Variants in BBS4 observed in about 807,000 individuals in gnomAD.
The protein encoded by BBS4 is BBSome complex member BBS4.
In BBS4, 58 loss-of-function variants were observed where a neutral mutation model predicts 71.4. That is an observed-to-expected ratio of 0.81 (90% confidence interval 0.66 to 1.01). The LOEUF is 1.01. Ranked by LOEUF, BBS4 falls within the 50% of genes least tolerant of loss-of-function variation. The pLI, the probability that BBS4 is intolerant of heterozygous loss-of-function variation, is 0.00. For synonymous variants in BBS4, 228 were observed against 216.8 expected, an observed-to-expected ratio of 1.05 and a Z score of -0.46; for missense variants, 660 against 607.9, an observed-to-expected ratio of 1.09 and a Z score of -0.90.
At chr15:72,691,703 C>A (rs933883182) in intron 1 of BBS4, among the ~76,000 whole-genome samples, 4 of 152,166 alleles carry the variant, frequency 2.6e-5, no homozygotes, top group African/African-American at 9.6e-5. Flanking sequence ...CAGTGGCTTA[C>A]GCCTGTAATC....
chr15:72,700,420 G>C (rs2065150347), intron 2 of BBS4, among the ~76,000 whole-genome samples: 1 of 152,206 alleles, frequency 6.6e-6, no homozygotes, highest in South Asian at 2.1e-4. Context: ...CAACGTGTGA[G>C]GATTCTGTTT....
chr15:72,713,212 C>G (rs1697313432), intron 4 of BBS4, among the ~76,000 whole-genome samples: 1 of 151,766 alleles, frequency 6.6e-6, no homozygotes, highest in Admixed American at 6.6e-5. Context: ...TTGTTAAAAA[C>G]TACGATACAC....
chr15:72,705,031 G>A (rs1024662443), intron 2 of BBS4, among the ~76,000 whole-genome samples: 2 of 152,154 alleles, frequency 1.3e-5, no homozygotes, highest in East Asian at 1.9e-4. Context: ...ATGAGAATGA[G>A]TATTTTATTT....
At chr15:72,716,217 T>A (rs2065466510) in intron 5 of BBS4, among the ~76,000 whole-genome samples, 1 of 152,194 alleles carries the variant, frequency 6.6e-6, no homozygotes, top group African/African-American at 2.4e-5. Flanking sequence ...GATTCCTAGA[T>A]GGAAAGAATC....
At chr15:72,686,761 A>G in intron 1 of BBS4, 1 of 371,006 alleles carries the variant, frequency 2.7e-6, no homozygotes, top group South Asian at 2.1e-5. Context: ...CAGAACTGCT[A>G]ATATAGAGGA....
At chr15:72,729,755 G>C in intron 10 of BBS4, 71 bp downstream of exon 10, 1 of 1,270,022 alleles carries the variant, frequency 7.9e-7, no homozygotes, top group Non-Finnish European at 1.2e-6. Flanking sequence ...ATCTGACCCT[G>C]GAAAGCAAAG....
At chr15:72,695,116 T>G in intron 1 of BBS4, 61 bp from the exon 2 acceptor site, 1 of 1,204,670 alleles carries the variant, frequency 8.3e-7, no homozygotes, top group Non-Finnish European at 1.2e-6. Context: ...ATTTGGATGC[T>G]TCTTTAAGTT....
At chr15:72,710,192 C>T (rs1227143507) in intron 3 of BBS4, among the ~76,000 whole-genome samples, 2 of 80,488 alleles carry the variant, frequency 2.5e-5, no homozygotes, top group Non-Finnish European at 5.0e-5. Flanking sequence ...GGTATTTTGT[C>T]GAGTTTTTTT....
chr15:72,686,309 G>A, intron 1 of BBS4, 58 bp downstream of exon 1: 4 of 1,550,814 alleles, frequency 2.6e-6, no homozygotes, highest in Non-Finnish European at 3.5e-6. Context: ...GCTGGCGGGT[G>A]GCTTTTGTCC....
Position 72,722,843 on chromosome 15 carries a change from A to G in BBS4, c.455A>G (p.Asn152Ser). The G allele has an allele frequency of 6.2e-7, 1 of 1,613,330 alleles. No individual in the cohort carries two copies. The highest frequency in any genetic ancestry group is 1.1e-5 in the South Asian group (1 of 91,058). Residue 152 changes from asparagine to serine, a missense_variant, in exon 7 of 16, where the codon AAC (asparagine) becomes AGC (serine). Physicochemically the swap from Asn to Ser is conservative, Grantham distance 46. Coordinates refer to ENST00000268057, the MANE Select transcript of BBS4 (RefSeq NM_033028.5). ...GVCYIYLKQFNKAQDQLHNAL... is the reference protein window; with the variant it reads ...GVCYIYLKQFSKAQDQLHNAL... ...TGCTACATATACCTGAAGCAGTTCA[A>G]CAAGGTAATTTATAGAAGTGGTGAT...
chr15:72,713,578 G>A (rs889183599), intron 4 of BBS4, among the ~76,000 whole-genome samples: 3 of 152,268 alleles, frequency 2.0e-5, no homozygotes, highest in Admixed American at 2.0e-4. Context: ...AGATTAAAAT[G>A]TATAGCGTAG....
intron 6 of BBS4, among the ~76,000 whole-genome samples, chr15:72,720,490 A>C (rs1346843877): frequency 2.1e-5 from 3 of 145,894 alleles, no homozygotes; most frequent in African/African-American, 7.9e-5. Context: ...CTGTCTCAAA[A>C]AAAAAAAAAA....
chr15:72,717,126 G>T, intron 6 of BBS4: 1 of 431,122 alleles, frequency 2.3e-6, no homozygotes, highest in Non-Finnish European at 4.2e-6. Context: ...TATTTTTTTC[G>T]TCATTGGAAT....
chr15:72,695,899 T>C (rs1186872821), intron 2 of BBS4, among the ~76,000 whole-genome samples: 1 of 152,208 alleles, frequency 6.6e-6, no homozygotes, highest in Admixed American at 6.5e-5. Flanking sequence ...TGGCCCACAA[T>C]GTGGCCTGTG....
rs2151055231 is a variant in BBS4 at position 72,735,969 on chromosome 15, A to G, written c.1248+3A>G. 4 of 1,614,090 alleles carry G rather than the reference A, an allele frequency of 2.5e-6. No individual in the cohort carries two copies. Among genetic ancestry groups the G allele is most frequent in the Middle Eastern group, 1.6e-4 (1 of 6,062 alleles). The stretch of plus-strand genomic sequence containing the variant: ...GCTCTCTGGAATTTGACTCTGAGGT[A>G]TGTCTTTTATTAGCTCCCAAGAGTC... On this transcript the variant is annotated splice_donor_region_variant and intron_variant, in intron 14 of 15. Transcript: ENST00000268057.
chr15:72,722,919 G>T, intron 7 of BBS4, 72 bp downstream of exon 7: 2 of 1,336,978 alleles, frequency 1.5e-6, no homozygotes, highest in South Asian at 1.2e-5. Context: ...TTGCTCATTT[G>T]GTATTATCCC....
At chr15:72,694,714 G>A (rs894097087) in intron 1 of BBS4, among the ~76,000 whole-genome samples, 9 of 152,268 alleles carry the variant, frequency 5.9e-5, no homozygotes, top group Admixed American at 2.0e-4. Context: ...TCATTTGATG[G>A]TTTTCTATGA....
intron 4 of BBS4, among the ~76,000 whole-genome samples, chr15:72,713,341 A>ACACACACACG (rs1461745526): frequency 8.4e-6 from 1 of 118,698 alleles, no homozygotes; most frequent in Non-Finnish European, 1.8e-5. Flanking sequence ...ACACACACAC[A>ACACACACACG]CACACACACG....
intron 6 of BBS4, among the ~76,000 whole-genome samples, chr15:72,719,941 A>G (rs1183156568): frequency 3.3e-5 from 5 of 151,138 alleles, no homozygotes; most frequent in African/African-American, 1.2e-4. Context: ...AGTAGAGATG[A>G]GGTTTCACCA....
Sources: gnomAD v4.1 joint callset for allele counts (sites outside exome capture counted in the v4.1 genomes callset) on GRCh38, gnomAD v4.1.1 for gene constraint, MANE v1.5 for transcripts, NCBI Gene and HGNC (gene_info 2026-07-23, HGNC 2026-07-21) for gene names.